Variants in KDM4B observed in about 807,000 individuals in gnomAD.
KDM4B encodes the protein lysine-specific demethylase 4B.
Under a neutral mutation model 125.2 loss-of-function variants are expected in KDM4B, and 32 were observed. That is an observed-to-expected ratio of 0.26 (90% confidence interval 0.19 to 0.34). The LOEUF (loss-of-function observed/expected upper bound fraction) is 0.34, where lower values mean the gene tolerates loss of function less well. Among genes scored for constraint, KDM4B ranks in the 10% least tolerant of loss-of-function variants. The pLI is 1.00. For missense variants in KDM4B, 1,190 were observed against 1,577.7 expected (o/e 0.75, Z 4.16); for synonymous variants, 721 against 677.9 (o/e 1.06, Z -0.99).
chr19:5,045,566 C>CTT (rs35326942), intron 5 of KDM4B, among the ~76,000 whole-genome samples: 5 of 145,172 alleles, frequency 3.4e-5, no homozygotes, highest in Non-Finnish European at 4.6e-5. Context: ...AATTTTCTTT[C>CTT]TTTTTTTTTT....
intron 20 of KDM4B, 29 bp from the exon 21 acceptor site, chr19:5,144,754 A>G: frequency 1.2e-6 from 2 of 1,613,050 alleles, no homozygotes; most frequent in Non-Finnish European, 8.5e-7. Flanking sequence ...TGTGGCCAGG[A>G]CCTCACCTCC....
At position 5,035,863 on chromosome 19, in the gene KDM4B, C is replaced by CTGTGTGTG. The variant is rs376827867; in HGVS notation, c.141+2843_141+2850dup. On this transcript the variant is annotated intron_variant, in intron 3 of 22. Transcript: ENST00000159111. The surrounding 1 kb of genome is among the most constrained non-coding windows in gnomAD (Gnocchi z 5.3). ...GGAGGGGCTGTGTGTGCACGTGTCT[C>CTGTGTGTG]TGTGTGTGTGTGTGTGTGCGCGCGC... 6.1e-3 allele frequency among the ~76,000 whole-genome samples: 873 copies of CTGTGTGTG among 142,230 alleles called. 5 individuals carry two copies. The highest frequency in any genetic ancestry group is 9.0e-3 in the African/African-American group (348 of 38,528). The allele number at this position is 142,230 out of a possible 152,430, so 93.3% of individuals were successfully genotyped here. A position where few individuals can be genotyped will look rare whatever the true frequency, so the allele number is the denominator to read the frequency against.
chr19:5,039,585 T>TG lies in KDM4B; in HGVS notation c.142-244dup, dbSNP rs906978916. 2.0e-4 allele frequency among the ~76,000 whole-genome samples: 31 copies of TG among 152,296 alleles called. No homozygotes were observed. The East Asian group carries it at 3.5e-3, about 17-fold the overall frequency. ...CACGTGTCAGGGTTGGCCCTGGTGC[T>TG]GGGGGGGTGCTGTACCCAGCTTCCC... is the stretch of plus-strand genomic sequence containing the variant. On this transcript the variant is annotated intron_variant, in intron 3 of 22. Transcript: ENST00000159111.
chr19:4,981,863 C>T (rs988755399), intron 1 of KDM4B, among the ~76,000 whole-genome samples: 1 of 152,206 alleles, frequency 6.6e-6, no homozygotes, highest in African/African-American at 2.4e-5. Context: ...GGGAAGACCC[C>T]ATGGCAGGGG....
At chr19:4,995,589 A>G (rs1014993065) in intron 1 of KDM4B, among the ~76,000 whole-genome samples, 1 of 152,036 alleles carries the variant, frequency 6.6e-6, no homozygotes, top group African/African-American at 2.4e-5. Flanking sequence ...GAGGCTTGGC[A>G]TTTTTAATTT....
chr19:5,121,340 G>A (rs117677553), intron 11 of KDM4B, among the ~76,000 whole-genome samples: 4,839 of 152,294 alleles, frequency 0.032, 93 homozygotes, highest in African/African-American at 0.051. Context: ...AGGGTCTGCC[G>A]GCCTAGAGAG....
At chr19:5,100,561 C>T (rs1218407015) in intron 9 of KDM4B, among the ~76,000 whole-genome samples, 6 of 152,160 alleles carry the variant, frequency 3.9e-5, no homozygotes, top group Non-Finnish European at 7.4e-5. Context: ...CTGTGTAGCT[C>T]GGACTACAGG....
At chr19:5,132,836 G>T (rs1355267772) in intron 13 of KDM4B, among the ~76,000 whole-genome samples, 2 of 152,174 alleles carry the variant, frequency 1.3e-5, no homozygotes, top group Non-Finnish European at 2.9e-5. Flanking sequence ...CGCAGCCAGT[G>T]GCTCTGTTCT....
chr19:4,992,088 G>A (rs1220247725), intron 1 of KDM4B, among the ~76,000 whole-genome samples: 1 of 152,144 alleles, frequency 6.6e-6, no homozygotes, highest in Non-Finnish European at 1.5e-5. Context: ...GGGCCTGGGG[G>A]CGACAGAGTG....
intron 6 of KDM4B, among the ~76,000 whole-genome samples, chr19:5,061,596 A>G (rs1278445939): frequency 6.6e-6 from 1 of 152,176 alleles, no homozygotes. Context: ...AGGTTGGCTC[A>G]TGCCTGTAAT....
intron 6 of KDM4B, among the ~76,000 whole-genome samples, chr19:5,050,261 T>C (rs1247274711): frequency 6.6e-6 from 1 of 152,256 alleles, no homozygotes; most frequent in African/African-American, 2.4e-5. Context: ...AACAGCCTGG[T>C]GTCAATAACA....
At chr19:5,006,680 G>A (rs2035569611) in intron 1 of KDM4B, among the ~76,000 whole-genome samples, 2 of 152,110 alleles carry the variant, frequency 1.3e-5, no homozygotes, top group South Asian at 4.1e-4. Context: ...GGCTGAGGCG[G>A]GAGAATTGCT....
At chr19:5,058,105 T>C (rs930043977) in intron 6 of KDM4B, among the ~76,000 whole-genome samples, 6 of 152,234 alleles carry the variant, frequency 3.9e-5, no homozygotes, top group Non-Finnish European at 7.3e-5. Context: ...CTGGGAAATG[T>C]AGTCTGACCA....
intron 9 of KDM4B, among the ~76,000 whole-genome samples, chr19:5,108,440 T>A (rs1222354981): frequency 6.6e-6 from 1 of 152,170 alleles, no homozygotes; most frequent in Non-Finnish European, 1.5e-5. Context: ...CCCCTGCTCC[T>A]GGATCCAGCA....
chr19:5,132,153 G>C (rs937363296), intron 13 of KDM4B, 146 bp downstream of exon 13: 34 of 1,048,322 alleles, frequency 3.2e-5, no homozygotes, highest in Non-Finnish European at 4.2e-5. Context: ...TGGCTCTGCC[G>C]TAGCGACAGG....
At chr19:5,040,227 C>T (rs1276574156) in intron 4 of KDM4B, among the ~76,000 whole-genome samples, 1 of 152,144 alleles carries the variant, frequency 6.6e-6, no homozygotes, top group East Asian at 1.9e-4. Context: ...ATCTCAGTTT[C>T]CCAGGGCTTC....
chr19:5,123,599 G>A (rs1178386853), intron 11 of KDM4B, among the ~76,000 whole-genome samples: 1 of 152,258 alleles, frequency 6.6e-6, no homozygotes, highest in Non-Finnish European at 1.5e-5. Context: ...TGCAGCAGGC[G>A]AGGGGCTTCC....
chr19:5,110,550 C>T (rs566635525), intron 9 of KDM4B, 72 bp from the exon 10 acceptor site: 4 of 1,507,624 alleles, frequency 2.7e-6, no homozygotes, highest in East Asian at 4.5e-5. Context: ...GCCCTACCTG[C>T]TCTGGGGTGG....
At chr19:5,119,190 G>A (rs1599224647) in intron 10 of KDM4B, 3 of 1,535,354 alleles carry the variant, frequency 2.0e-6, no homozygotes, top group Non-Finnish European at 2.6e-6. Context: ...TAGAAAGGAA[G>A]AAAGAGCAGA....
Sources: allele counts gnomAD v4.1 joint callset (sites outside exome capture counted in the v4.1 genomes callset), GRCh38; gene constraint gnomAD v4.1.1; non-coding constraint Gnocchi (gnomAD v3.1); transcripts MANE v1.5; gene names NCBI Gene and HGNC (gene_info 2026-07-23, HGNC 2026-07-21).